ZNF804A: variants seen among roughly 807,000 people sequenced by gnomAD.
ZNF804A encodes the protein zinc finger protein 804A.
In ZNF804A, 2 loss-of-function variants were observed where a neutral mutation model predicts 16.5. The observed-to-expected ratio is 0.12, with a 90% CI of 0.05 to 0.38. The LOEUF is 0.38. Ranked by LOEUF, ZNF804A falls within the 10% of genes least tolerant of loss-of-function variation. ZNF804A has a pLI of 0.99. For missense variants in ZNF804A, 1,473 were observed against 1,390.7 expected, an observed-to-expected ratio of 1.06 and a Z score of -0.94; for synonymous variants, 534 against 489.6, an observed-to-expected ratio of 1.09 and a Z score of -1.20.
chr2:184,709,923 A>C (rs973178061), intron 1 of ZNF804A, among the ~76,000 whole-genome samples: 43 of 149,956 alleles, frequency 2.9e-4, no homozygotes, highest in African/African-American at 1.0e-3. Context: ...AAAGTATAGG[A>C]ATTCTTCCAC....
intron 1 of ZNF804A, among the ~76,000 whole-genome samples, chr2:184,823,474 A>G (rs984180605): frequency 4.6e-5 from 7 of 152,150 alleles, no homozygotes; most frequent in African/African-American, 1.4e-4. Context: ...TGATAGTAGT[A>G]TTCCCAGTTT....
intron 1 of ZNF804A, among the ~76,000 whole-genome samples, chr2:184,650,448 A>T (rs1173455459): frequency 6.6e-6 from 1 of 152,164 alleles, no homozygotes; most frequent in Non-Finnish European, 1.5e-5. Context: ...TGGTAGTGGA[A>T]GTGCTAGCCA....
chr2:184,724,044 A>ATC (rs1368143266), intron 1 of ZNF804A, among the ~76,000 whole-genome samples: 1 of 151,714 alleles, frequency 6.6e-6, no homozygotes, highest in Non-Finnish European at 1.5e-5. Context: ...GTTGTTATAT[A>ATC]TCTCTTATAA....
intron 1 of ZNF804A, among the ~76,000 whole-genome samples, chr2:184,723,817 A>T (rs1282971705): frequency 6.6e-6 from 1 of 151,634 alleles, no homozygotes; most frequent in Admixed American, 6.6e-5. Context: ...TGGTGTAGGT[A>T]TTTGGGGATT....
At chr2:184,726,302 T>C (rs1042741856) in intron 1 of ZNF804A, among the ~76,000 whole-genome samples, 1 of 151,642 alleles carries the variant, frequency 6.6e-6, no homozygotes, top group Non-Finnish European at 1.5e-5. Context: ...GTCACCATTG[T>C]TTGTTTTATT....
intron 2 of ZNF804A, among the ~76,000 whole-genome samples, chr2:184,922,110 T>C (rs1206676759): frequency 6.6e-6 from 1 of 152,144 alleles, no homozygotes; most frequent in East Asian, 1.9e-4. Context: ...ATATACTGGT[T>C]TCCTTTCTTT....
At chr2:184,612,334 T>C (rs1363175634) in intron 1 of ZNF804A, among the ~76,000 whole-genome samples, 1 of 152,226 alleles carries the variant, frequency 6.6e-6, no homozygotes, top group Non-Finnish European at 1.5e-5. Flanking sequence ...CAATTAGTAT[T>C]ATATTTCTAG....
chr2:184,663,702 C>T (rs1395619907), intron 1 of ZNF804A, among the ~76,000 whole-genome samples: 1 of 152,096 alleles, frequency 6.6e-6, no homozygotes, highest in Non-Finnish European at 1.5e-5. Flanking sequence ...CCGATGGCAA[C>T]CCATGGACCA....
At chr2:184,771,994 T>C (rs1694222771) in intron 1 of ZNF804A, among the ~76,000 whole-genome samples, 1 of 152,072 alleles carries the variant, frequency 6.6e-6, no homozygotes, top group African/African-American at 2.4e-5. Context: ...GAATAGGGAA[T>C]GGTGTTCACA....
chr2:184,891,994 G>C (rs1684990724), intron 2 of ZNF804A, among the ~76,000 whole-genome samples: 1 of 152,092 alleles, frequency 6.6e-6, no homozygotes, highest in Non-Finnish European at 1.5e-5. Flanking sequence ...GGAAATAACA[G>C]AAAGAAATTA....
At chr2:184,717,617 T>A (rs778204287) in intron 1 of ZNF804A, among the ~76,000 whole-genome samples, 1 of 152,232 alleles carries the variant, frequency 6.6e-6, no homozygotes, top group African/African-American at 2.4e-5. Context: ...TTGCATTACA[T>A]GTAAGTTGGC....
At chr2:184,859,803 G>A (rs1247039891) in intron 1 of ZNF804A, among the ~76,000 whole-genome samples, 1 of 152,206 alleles carries the variant, frequency 6.6e-6, no homozygotes, top group Non-Finnish European at 1.5e-5. Context: ...TTCAACAGTT[G>A]GCTTATTGCT....
intron 1 of ZNF804A, among the ~76,000 whole-genome samples, chr2:184,638,375 C>G (rs1691736678): frequency 2.0e-5 from 3 of 152,100 alleles, no homozygotes; most frequent in Non-Finnish European, 2.9e-5. Flanking sequence ...TCTGATGCAA[C>G]AGTCATAGAC....
chr2:184,826,356 T>C (rs1302575917), intron 1 of ZNF804A, among the ~76,000 whole-genome samples: 1 of 152,152 alleles, frequency 6.6e-6, no homozygotes, highest in Non-Finnish European at 1.5e-5. Flanking sequence ...TATGAGGAAA[T>C]GACTTCTAAA....
chr2:184,866,864 A>T (rs114523990), intron 2 of ZNF804A, among the ~76,000 whole-genome samples: 1 of 150,456 alleles, frequency 6.6e-6, no homozygotes, highest in African/African-American at 2.4e-5. Context: ...TATGCATTAT[A>T]TTATATATTT....
intron 1 of ZNF804A, among the ~76,000 whole-genome samples, chr2:184,639,730 CG>C (rs754180896): frequency 2.0e-4 from 31 of 152,136 alleles, no homozygotes; most frequent in Non-Finnish European, 3.4e-4. Flanking sequence ...GGGCCGGGCG[CG>C]GTGGCTCAAG....
chr2:184,609,281 C>T (rs1691200056), intron 1 of ZNF804A, among the ~76,000 whole-genome samples: 1 of 152,062 alleles, frequency 6.6e-6, no homozygotes, highest in African/African-American at 2.4e-5. Flanking sequence ...ATGGGCAGCA[C>T]TCAGAATTTT....
chr2:184,826,981 C>T (rs1364013503), intron 1 of ZNF804A, among the ~76,000 whole-genome samples: 2 of 151,680 alleles, frequency 1.3e-5, no homozygotes, highest in Non-Finnish European at 2.9e-5. Flanking sequence ...TTCATTTTAT[C>T]GTGTGTATTA....
rs570440246 is a variant in ZNF804A, at chr2:184,598,739, G to C, written c.-221G>C. Reference sequence around the variant, plus strand: ...CGCGAATCTGAGGAGAAACAGGAGCGAGAGACTGAGGGGAGAGCGCGGCGA... The same window carrying C: ...CGCGAATCTGAGGAGAAACAGGAGCCAGAGACTGAGGGGAGAGCGCGGCGA... On this transcript the variant is annotated 5_prime_UTR_variant, in exon 1 of 4. Coordinates refer to ENST00000302277, the MANE Select transcript of ZNF804A (RefSeq NM_194250.2). 2 of 343,584 alleles carry C rather than the reference G, an allele frequency of 5.8e-6. No homozygotes were observed. The highest frequency in any genetic ancestry group is 4.6e-5 in the East Asian group (1 of 21,530). 21.3% of individuals were successfully genotyped at this position (343,584 alleles called of 1,614,324 possible). A position where few individuals can be genotyped will look rare whatever the true frequency, so the allele number is the denominator to read the frequency against.
Sources: gnomAD v4.1 joint callset for allele counts (sites outside exome capture counted in the v4.1 genomes callset) on GRCh38, gnomAD v4.1.1 for gene constraint, MANE v1.5 for transcripts, NCBI Gene and HGNC (gene_info 2026-07-23, HGNC 2026-07-21) for gene names.